Variants in POT1 observed in about 807,000 individuals in gnomAD.
The protein encoded by POT1 is protection of telomeres 1, also known as protection of telomeres protein 1.
Under a neutral mutation model 78.5 loss-of-function variants are expected in POT1, and 47 were observed. That is an observed-to-expected ratio of 0.60 (90% CI 0.47 to 0.76). The LOEUF (loss-of-function observed/expected upper bound fraction) is 0.76, where lower values mean the gene tolerates loss of function less well. POT1 is among the 30% of genes least tolerant of loss of function. POT1 has a pLI of 0.00. For missense variants in POT1, 646 were observed against 749.9 expected, an observed-to-expected ratio of 0.86 and a Z score of 1.62; for synonymous variants, 259 against 260.7, an observed-to-expected ratio of 0.99 and a Z score of 0.06.
Position 124,835,350 on chromosome 7 carries a change from A to C in POT1, c.1434T>G (p.Ser478=). ...CCAAAAGTTCCAGGTCTTCGTGGCC[A>C]GATCTCACAGGAATTACACTATTAA... The part of the protein sequence containing the change: ...NKFNSVIPVR[S]GHEDLELLDL... The change falls in exon 15 of 19, where the codon TCT becomes TCG. Residue 478 remains serine (S), a synonymous_variant. Transcript: ENST00000357628. 6.2e-7 allele frequency: 1 copy of C among 1,614,164 alleles called. No homozygotes were observed. Among genetic ancestry groups the C allele is most frequent in the East Asian group, 2.2e-5 (1 of 44,870 alleles).
intron 6 of POT1, among the ~76,000 whole-genome samples, chr7:124,889,155 T>C (rs1436135616): frequency 1.3e-5 from 2 of 152,130 alleles, no homozygotes; most frequent in Non-Finnish European, 2.9e-5. Flanking sequence ...GGTGCTACTT[T>C]AGTGAACACA....
At chr7:124,869,669 G>A (rs372647485) in intron 7 of POT1, among the ~76,000 whole-genome samples, 2 of 152,020 alleles carry the variant, frequency 1.3e-5, no homozygotes, top group Non-Finnish European at 2.9e-5. Context: ...CACAACCTCC[G>A]CCCTCCGGGT....
At chr7:124,863,667 CAG>C (rs1407496030) in intron 7 of POT1, 27 bp from the exon 8 acceptor site, 1 of 1,541,966 alleles carries the variant, frequency 6.5e-7, no homozygotes, top group Non-Finnish European at 8.8e-7. Context: ...AAGTAGAAAA[CAG>C]ATACAAATAA....
At chr7:124,858,133 A>G (rs1292371068) in intron 9 of POT1, among the ~76,000 whole-genome samples, 1 of 152,200 alleles carries the variant, frequency 6.6e-6, no homozygotes, top group South Asian at 2.1e-4. Flanking sequence ...TGAAGGGGTC[A>G]GGGAAATACC....
At chr7:124,832,821 C>CAAA (rs36025106) in intron 15 of POT1, among the ~76,000 whole-genome samples, 2 of 114,166 alleles carry the variant, frequency 1.8e-5, no homozygotes, top group African/African-American at 3.5e-5. Flanking sequence ...GACTTCATCT[C>CAAA]AAAAAAAAAA....
intron 17 of POT1, among the ~76,000 whole-genome samples, 172 bp from the exon 18 acceptor site, chr7:124,825,529 T>C (rs1202497886): frequency 6.6e-6 from 1 of 152,148 alleles, no homozygotes. Context: ...CAAAATCTTA[T>C]TTACTCTTTA....
At chr7:124,903,289 C>G (rs1796671245) in intron 3 of POT1, among the ~76,000 whole-genome samples, 1 of 152,174 alleles carries the variant, frequency 6.6e-6, no homozygotes, top group Non-Finnish European at 1.5e-5. Flanking sequence ...CACTCCTCAG[C>G]AAATATAAAA....
At position 124,829,075 on chromosome 7, in the gene POT1, C is replaced by T. The variant is rs182430843; in HGVS notation, c.1594+179G>A. On this transcript the variant is annotated intron_variant, in intron 16 of 18. Transcript: ENST00000357628. ...GTGACGGTGCCTGCTTGAAGAAATA[C>T]AGACTAAAGGAAGGCTTGGCAGATA... 605 of 763,014 alleles carry T rather than the reference C, an allele frequency of 7.9e-4. 4 individuals carry two copies. Among genetic ancestry groups the T allele is most frequent in the Non-Finnish European group, 2.0e-4 (82 of 410,630 alleles). The allele number at this position is 763,014 out of a possible 1,614,324, so 47.3% of individuals were successfully genotyped here.
chr7:124,844,422 C>A (rs564380712), intron 12 of POT1, among the ~76,000 whole-genome samples: 4 of 149,644 alleles, frequency 2.7e-5, no homozygotes, highest in Non-Finnish European at 5.9e-5. Flanking sequence ...AGCCACTGCA[C>A]CCAGCTGGTG....
Position 124,823,187 on chromosome 7 carries a change from C to T in POT1, c.*775G>A, listed in dbSNP as rs1376118995. 1 of 152,036 alleles carries T rather than the reference C, an allele frequency of 6.6e-6. No individual in the cohort carries two copies. The highest frequency in any genetic ancestry group is 1.5e-5 in the Non-Finnish European group (1 of 67,960). 9.4% of individuals were successfully genotyped at this position (152,036 alleles called of 1,614,324 possible). ...CAGCCCTAAACATCTGCTGCATTGC[C>T]ACACCTATTTCGATTCTTTGCCTCA... is the stretch of plus-strand genomic sequence containing the variant. On this transcript the variant is annotated 3_prime_UTR_variant, in exon 19 of 19. Transcript: ENST00000357628.
At chr7:124,844,862 A>G (rs1159573833) in intron 12 of POT1, among the ~76,000 whole-genome samples, 1 of 152,188 alleles carries the variant, frequency 6.6e-6, no homozygotes, top group Non-Finnish European at 1.5e-5. Context: ...TCATTTTAAA[A>G]TGCTTTCAAA....
chr7:124,879,944 G>A (rs533079058), intron 6 of POT1, among the ~76,000 whole-genome samples: 2 of 152,146 alleles, frequency 1.3e-5, no homozygotes, highest in South Asian at 2.1e-4. Context: ...TCTCACAGAG[G>A]ATTTTTTGGT....
chr7:124,904,763 A>C (rs1364587012), intron 3 of POT1, among the ~76,000 whole-genome samples: 1 of 152,238 alleles, frequency 6.6e-6, no homozygotes, highest in African/African-American at 2.4e-5. Context: ...GTCTCAGCTC[A>C]AAATCTCCTT....
At chr7:124,847,083 T>A in intron 11 of POT1, 85 bp from the exon 12 acceptor site, 1 of 863,732 alleles carries the variant, frequency 1.2e-6, no homozygotes, top group East Asian at 2.5e-5. Context: ...TGAGAGAAAC[T>A]GAAGAAAATA....
Position 124,853,149 on chromosome 7 carries a change from G to C in POT1, c.703-11C>G, listed in dbSNP as rs779047410. 2 of 1,538,524 alleles carry C rather than the reference G, an allele frequency of 1.3e-6. No individual in the cohort carries two copies. ...AAGAAAGCTTCCAACCTAAAAAATA[G>C]ATCATTTGTTATTTAGAAAGTGGGG... is the stretch of plus-strand genomic sequence containing the variant. On this transcript the variant is annotated splice_polypyrimidine_tract_variant and intron_variant, in intron 9 of 18. Coordinates refer to ENST00000357628, the MANE Select transcript of POT1 (RefSeq NM_015450.3).
chr7:124,856,194 A>C (rs1053307425), intron 9 of POT1, among the ~76,000 whole-genome samples: 2 of 152,192 alleles, frequency 1.3e-5, no homozygotes, highest in African/African-American at 4.8e-5. Flanking sequence ...TGACACAAAA[A>C]CGTAATTTTA....
At chr7:124,910,020 G>A (rs901378927) in intron 3 of POT1, among the ~76,000 whole-genome samples, 3 of 151,780 alleles carry the variant, frequency 2.0e-5, no homozygotes, top group Admixed American at 6.6e-5. Context: ...GTTACTTGGT[G>A]AAAAATATGC....
chr7:124,835,496 A>G, intron 14 of POT1, 82 bp from the exon 15 acceptor site: 1 of 1,413,588 alleles, frequency 7.1e-7, no homozygotes, highest in Non-Finnish European at 9.7e-7. Flanking sequence ...CGTGTGAGGT[A>G]TAATAAAAGA....
Position 124,863,561 on chromosome 7 carries a change from G to A in POT1, c.335C>T (p.Ala112Val), listed in dbSNP as rs1795650931. 6.2e-6 allele frequency: 10 copies of A among 1,613,652 alleles called. No homozygotes were observed. The highest frequency in any genetic ancestry group is 3.3e-5 in the Admixed American group (2 of 59,980). Residue 112 changes from alanine (A) to valine (V), a missense_variant, in exon 8 of 19, where the codon GCC (alanine) becomes GTC (valine). Around this residue, in one of 2 missense-constraint regions of POT1, gnomAD observed 252 missense variants for 341.4 expected, o/e 0.74. Coordinates refer to ENST00000357628, the MANE Select transcript of POT1 (RefSeq NM_015450.3). Reference sequence around the variant, plus strand: ...GCTTGAAGTGCGAGGTATGATAGGGGCTCCCAAAGTTCCCTCAAACGTCAA... The same window carrying A: ...GCTTGAAGTGCGAGGTATGATAGGGACTCCCAAAGTTCCCTCAAACGTCAA... ...ASLTFEGTLG[A>V]PIIPRTSSKY...
Sources: allele counts gnomAD v4.1 joint callset (sites outside exome capture counted in the v4.1 genomes callset), GRCh38; gene constraint gnomAD v4.1.1; regional missense constraint gnomAD v4.1.1; transcripts MANE v1.5; gene names NCBI Gene and HGNC (gene_info 2026-07-23, HGNC 2026-07-21).